Variants in TMEM108 observed in about 807,000 individuals in gnomAD.
TMEM108 encodes the protein cancer/testis antigen 124.
In TMEM108, 12 loss-of-function variants were observed where a neutral mutation model predicts 35.1. The observed-to-expected ratio is 0.34, with a 90% CI of 0.22 to 0.55. The LOEUF (loss-of-function observed/expected upper bound fraction) is 0.55, where lower values mean the gene tolerates loss of function less well. Ranked by LOEUF, TMEM108 falls within the 20% of genes least tolerant of loss-of-function variation. The pLI is 0.89. For synonymous variants in TMEM108, 287 were observed against 308.6 expected, an observed-to-expected ratio of 0.93 and a Z score of 0.73; for missense variants, 680 against 753.3, an observed-to-expected ratio of 0.90 and a Z score of 1.14.
intron 3 of TMEM108, among the ~76,000 whole-genome samples, chr3:133,355,050 C>T (rs1267011102): frequency 6.6e-6 from 1 of 152,086 alleles, no homozygotes; most frequent in Non-Finnish European, 1.5e-5. Context: ...ATACCAAGTT[C>T]GCACCTACAA....
At chr3:133,225,413 G>A (rs1256240728) in intron 2 of TMEM108, among the ~76,000 whole-genome samples, 1 of 152,012 alleles carries the variant, frequency 6.6e-6, no homozygotes, top group Non-Finnish European at 1.5e-5. Context: ...AATCACACTG[G>A]TGGTGGGGGA....
rs183035318 is a variant in TMEM108, at chr3:133,285,530, C to G, written c.40+56179C>G. On this transcript the variant is annotated intron_variant, in intron 3 of 5. Coordinates refer to ENST00000321871, the MANE Select transcript of TMEM108 (RefSeq NM_023943.4). ...TTGTTAATATTGAAGCACGCACAGG[C>G]AGCTTGGTTCAGTTTCTGATCAGAC... 2.8e-3 allele frequency among the ~76,000 whole-genome samples: 429 copies of G among 152,294 alleles called. 3 individuals are homozygous for G. The highest frequency in any genetic ancestry group is 0.01 in the African/African-American group (417 of 41,570).
intron 2 of TMEM108, among the ~76,000 whole-genome samples, chr3:133,147,588 T>C (rs1415003279): frequency 6.6e-6 from 1 of 152,184 alleles, no homozygotes; most frequent in East Asian, 1.9e-4. Context: ...GGGTTGTTTG[T>C]TTTTTGCTTG....
At chr3:133,329,819 G>A (rs1402240184) in intron 3 of TMEM108, among the ~76,000 whole-genome samples, 2 of 152,158 alleles carry the variant, frequency 1.3e-5, no homozygotes, top group East Asian at 3.8e-4. Context: ...CTTAATTGCT[G>A]AGTAAACATG....
At chr3:133,088,710 C>T (rs1200647909) in intron 2 of TMEM108, among the ~76,000 whole-genome samples, 1 of 152,172 alleles carries the variant, frequency 6.6e-6, no homozygotes, top group Non-Finnish European at 1.5e-5. Context: ...TGATAATAGA[C>T]ATTTGAATCG....
chr3:133,372,847 A>G (rs1361844663), intron 3 of TMEM108, among the ~76,000 whole-genome samples: 1 of 152,202 alleles, frequency 6.6e-6, no homozygotes, highest in African/African-American at 2.4e-5. Context: ...AGCAGAAAAG[A>G]TTTGCACTCA....
chr3:133,279,477 C>T (rs560703288), intron 3 of TMEM108, among the ~76,000 whole-genome samples: 3 of 152,258 alleles, frequency 2.0e-5, no homozygotes, highest in Non-Finnish European at 2.9e-5. Context: ...TGACCCTGCT[C>T]ACCCTTGGGT....
At chr3:133,300,258 A>C (rs1459752092) in intron 3 of TMEM108, among the ~76,000 whole-genome samples, 2 of 152,180 alleles carry the variant, frequency 1.3e-5, no homozygotes, top group Admixed American at 6.5e-5. Context: ...AGACGGATTA[A>C]TGTCCGTAGG....
intron 3 of TMEM108, chr3:133,253,340 T>C (rs1946498250): frequency 6.6e-6 from 1 of 152,234 alleles, no homozygotes; most frequent in South Asian, 2.1e-4. Context: ...TACCCATTTA[T>C]AAGAAGTCTC....
At chr3:133,354,576 T>C (rs2072104657) in intron 3 of TMEM108, among the ~76,000 whole-genome samples, 1 of 152,152 alleles carries the variant, frequency 6.6e-6, no homozygotes, top group Admixed American at 6.5e-5. Context: ...GAACAGAGGT[T>C]TGGAGTAAGA....
chr3:133,172,187 A>ATT, intron 2 of TMEM108, among the ~76,000 whole-genome samples: 1 of 152,240 alleles, frequency 6.6e-6, no homozygotes, highest in South Asian at 2.1e-4. Context: ...GAGTTAAGTA[A>ATT]TTTTTTTCAA....
chr3:133,127,484 G>C (rs556721690), intron 2 of TMEM108, among the ~76,000 whole-genome samples: 34 of 152,298 alleles, frequency 2.2e-4, no homozygotes, highest in South Asian at 8.3e-4. Context: ...AAGAGTTGAT[G>C]TTCTTAAAAG....
intron 2 of TMEM108, among the ~76,000 whole-genome samples, chr3:133,103,663 A>T (rs985695294): frequency 6.6e-6 from 1 of 152,152 alleles, no homozygotes; most frequent in Non-Finnish European, 1.5e-5. Context: ...TCTTCCATAA[A>T]CACCCCTCCA....
chr3:133,357,089 ACAAAAC>A (rs1435503111), intron 3 of TMEM108, among the ~76,000 whole-genome samples: 2 of 152,232 alleles, frequency 1.3e-5, no homozygotes, highest in African/African-American at 4.8e-5. Context: ...AATCAGCAAG[ACAAAAC>A]CAATCCCATC....
At chr3:133,149,235 T>A (rs534360831) in intron 2 of TMEM108, among the ~76,000 whole-genome samples, 2 of 152,070 alleles carry the variant, frequency 1.3e-5, no homozygotes, top group African/African-American at 4.8e-5. Context: ...TGAAAAATAA[T>A]TGACAAATAA....
intron 3 of TMEM108, among the ~76,000 whole-genome samples, chr3:133,330,031 A>T (rs2071376900): frequency 6.6e-6 from 1 of 152,050 alleles, no homozygotes; most frequent in Non-Finnish European, 1.5e-5. Context: ...CTGCTTTTGG[A>T]GAAAAAAAAA....
intron 3 of TMEM108, among the ~76,000 whole-genome samples, chr3:133,376,850 T>G (rs1455518658): frequency 2.0e-5 from 3 of 152,192 alleles, no homozygotes; most frequent in Non-Finnish European, 4.4e-5. Flanking sequence ...TCTCTTAACA[T>G]AAGGCATGTG....
intron 3 of TMEM108, 149 bp downstream of exon 3, chr3:133,229,500 C>T: frequency 3.3e-6 from 2 of 615,118 alleles, no homozygotes; most frequent in East Asian, 3.0e-5. Context: ...GATGAAGTAT[C>T]AAGCGTTAAG....
chr3:133,218,118 CA>C (rs1201589641), intron 2 of TMEM108, among the ~76,000 whole-genome samples: 1 of 151,820 alleles, frequency 6.6e-6, no homozygotes, highest in Non-Finnish European at 1.5e-5. Flanking sequence ...TTTCTGTGTA[CA>C]GGTCTTCCAT....
Sources: gnomAD v4.1 joint callset for allele counts (sites outside exome capture counted in the v4.1 genomes callset) on GRCh38, gnomAD v4.1.1 for gene constraint, MANE v1.5 for transcripts, NCBI Gene and HGNC (gene_info 2026-07-23, HGNC 2026-07-21) for gene names.